Variants in DLGAP2 observed in about 807,000 individuals in gnomAD.
DLGAP2 encodes DLG associated protein 2, also known as disks large-associated protein 2.
In DLGAP2, 26 loss-of-function variants were observed where a neutral mutation model predicts 100.3. That is an observed-to-expected ratio of 0.26 (90% CI 0.19 to 0.36). The LOEUF is 0.36. Ranked by LOEUF, DLGAP2 falls within the 10% of genes least tolerant of loss-of-function variation. The probability of loss-of-function intolerance (pLI) is 1.00; values close to 1 mark genes in which losing one functional copy is unlikely to be tolerated. For synonymous variants in DLGAP2, 886 were observed against 630.1 expected (o/e 1.41, Z -6.08); for missense variants, 1,858 against 1,453.2 (o/e 1.28, Z -4.53).
Position 1,176,249 on chromosome 8 carries a change from T to C in DLGAP2, c.74-82602T>C, listed in dbSNP as rs540175841. ...GCCACTTTCAAACCATCAGACCTCGTGAGAATTCCCTCATTACCACAAGAA... is the reference window on the plus strand; with the variant it reads ...GCCACTTTCAAACCATCAGACCTCGCGAGAATTCCCTCATTACCACAAGAA... On this transcript the variant is annotated intron_variant, in intron 2 of 14. Coordinates refer to ENST00000637795, the MANE Select transcript of DLGAP2 (RefSeq NM_001346810.2). Among the ~76,000 whole-genome samples, 14 of 152,234 alleles carry C rather than the reference T, an allele frequency of 9.2e-5. No homozygotes were observed. In the East Asian group the frequency reaches 2.5e-3, roughly 27 times the overall value.
intron 2 of DLGAP2, among the ~76,000 whole-genome samples, chr8:1,225,622 A>G (rs1319700033): frequency 6.6e-6 from 1 of 152,260 alleles, no homozygotes; most frequent in Non-Finnish European, 1.5e-5. Flanking sequence ...TGCAAGTATC[A>G]TGAACACTTT....
intron 1 of DLGAP2, among the ~76,000 whole-genome samples, chr8:805,416 G>C (rs954716425): frequency 6.6e-6 from 1 of 151,982 alleles, no homozygotes; most frequent in African/African-American, 2.4e-5. Flanking sequence ...CCTCATCTTT[G>C]GGGCCACTAC....
intron 1 of DLGAP2, among the ~76,000 whole-genome samples, chr8:778,260 A>C (rs190267796): frequency 1.3e-5 from 2 of 152,008 alleles, no homozygotes; most frequent in African/African-American, 2.4e-5. Flanking sequence ...AATTTTTTTC[A>C]AAGTTTTCAA....
rs1228342026 is a variant in DLGAP2, at chr8:1,202,503, G to C, written c.74-56348G>C. Reference sequence around the variant, plus strand: ...TTTCTGTAGGAAGAAGGAGATGTCAGACATACAAAAACATGTTTTAAGGAA... The same window carrying C: ...TTTCTGTAGGAAGAAGGAGATGTCACACATACAAAAACATGTTTTAAGGAA... On this transcript the variant is annotated intron_variant, in intron 2 of 14. Transcript: ENST00000637795. Among the ~76,000 whole-genome samples the C allele has an allele frequency of 3.3e-5, 5 of 152,084 alleles. No individual in the cohort carries two copies. The East Asian group carries it at 9.6e-4, about 29-fold the overall frequency.
At chr8:862,427 C>T (rs974531004) in intron 1 of DLGAP2, among the ~76,000 whole-genome samples, 11 of 152,028 alleles carry the variant, frequency 7.2e-5, no homozygotes, top group South Asian at 2.1e-4. Flanking sequence ...CTCAGCCTCC[C>T]GAGTAGCTGA....
intron 3 of DLGAP2, among the ~76,000 whole-genome samples, chr8:1,336,656 G>T (rs1055990632): frequency 2.0e-5 from 3 of 152,178 alleles, no homozygotes; most frequent in African/African-American, 7.2e-5. Context: ...GGAACAGGCT[G>T]GGGCCCCTCA....
chr8:1,474,392 C>G (rs1798878180), intron 3 of DLGAP2, among the ~76,000 whole-genome samples: 1 of 152,130 alleles, frequency 6.6e-6, no homozygotes, highest in African/African-American at 2.4e-5. Flanking sequence ...TGGGTAGATA[C>G]TCAGGAGTGG....
intron 5 of DLGAP2, among the ~76,000 whole-genome samples, chr8:1,550,592 C>A (rs1444706621): frequency 6.6e-6 from 1 of 152,118 alleles, no homozygotes; most frequent in African/African-American, 2.4e-5. Context: ...TCTCTAAGCA[C>A]CCCCCACTAC....
intron 8 of DLGAP2, among the ~76,000 whole-genome samples, chr8:1,644,969 A>T (rs887000569): frequency 6.6e-6 from 1 of 152,248 alleles, no homozygotes; most frequent in African/African-American, 2.4e-5. Context: ...CTTGCTGGGC[A>T]CAGTGGCTCA....
intron 2 of DLGAP2, among the ~76,000 whole-genome samples, chr8:944,068 TAA>T (rs1799257270): frequency 6.6e-6 from 1 of 152,266 alleles, no homozygotes; most frequent in African/African-American, 2.4e-5. Context: ...ATTTGGTATC[TAA>T]CTATATTGTA....
intron 1 of DLGAP2, among the ~76,000 whole-genome samples, chr8:765,783 A>G (rs1821196471): frequency 6.6e-6 from 1 of 152,094 alleles, no homozygotes; most frequent in Non-Finnish European, 1.5e-5. Context: ...ACACACATGC[A>G]TGTACACAGA....
At chr8:1,513,570 C>G (rs769735601) in intron 4 of DLGAP2, among the ~76,000 whole-genome samples, 3 of 152,228 alleles carry the variant, frequency 2.0e-5, no homozygotes, top group Non-Finnish European at 1.5e-5. Flanking sequence ...AGAGACAATA[C>G]TGCCTGGAAA....
At chr8:1,307,353 C>T (rs575718908) in intron 3 of DLGAP2, among the ~76,000 whole-genome samples, 2 of 152,086 alleles carry the variant, frequency 1.3e-5, no homozygotes. Flanking sequence ...AAAACAACAA[C>T]AATGAAAAGA....
chr8:1,424,530 A>T (rs1797186216), intron 3 of DLGAP2, among the ~76,000 whole-genome samples: 1 of 152,264 alleles, frequency 6.6e-6, no homozygotes, highest in Admixed American at 6.5e-5. Context: ...GACTTGGGTG[A>T]ACCCTGAGGA....
chr8:1,240,052 G>GGCGCCGTGTCTAGTTCTCTCACATA (rs1798751328), intron 2 of DLGAP2, among the ~76,000 whole-genome samples: 1 of 130,054 alleles, frequency 7.7e-6, no homozygotes, highest in African/African-American at 2.8e-5. Context: ...TCTCTCACAT[G>GGCGCCGTGTCTAGTTCTCTCACATA]GCGCCGTGTC....
chr8:1,437,319 G>T (rs550656926), intron 3 of DLGAP2, among the ~76,000 whole-genome samples: 62 of 152,248 alleles, frequency 4.1e-4, no homozygotes, highest in Non-Finnish European at 7.6e-4. Context: ...GTTTGTATCA[G>T]TGCGCTCCAC....
At chr8:907,782 C>G (rs1202729104) in intron 1 of DLGAP2, 130 bp from the exon 2 acceptor site, 2 of 393,044 alleles carry the variant, frequency 5.1e-6, no homozygotes, top group Non-Finnish European at 4.5e-6. Flanking sequence ...ATTTGTTAGG[C>G]CTTTCTGGGC....
intron 3 of DLGAP2, among the ~76,000 whole-genome samples, chr8:1,341,301 C>T (rs961137460): frequency 7.9e-5 from 12 of 152,144 alleles, no homozygotes; most frequent in African/African-American, 1.7e-4. Context: ...GAAAAATAAG[C>T]GTGTTTCATA....
rs550956757 is a variant in DLGAP2, at chr8:1,055,165, C to A, written c.73+147199C>A. Among the ~76,000 whole-genome samples, 6 of 152,294 alleles carry A rather than the reference C, an allele frequency of 3.9e-5. No homozygotes were observed. In the South Asian group the frequency reaches 1.2e-3, roughly 32 times the overall value. On this transcript the variant is annotated intron_variant, in intron 2 of 14. Transcript: ENST00000637795. ...GATGCTATCAGTGTGTGTTTTGAGA[C>A]CACTTTTTCTCAATTGTCCAATTGT...
Sources: gnomAD v4.1 joint callset for allele counts (sites outside exome capture counted in the v4.1 genomes callset) on GRCh38, gnomAD v4.1.1 for gene constraint, MANE v1.5 for transcripts, NCBI Gene and HGNC (gene_info 2026-07-23, HGNC 2026-07-21) for gene names.